The following WDR25 variants were observed in gnomAD, a reference collection of about 807,000 sequenced individuals.
WDR25 encodes WD repeat domain 25, also known as WD repeat-containing protein 25.
A neutral mutation model predicts 47.7 loss-of-function variants in WDR25; 35 were observed. The observed-to-expected ratio is 0.73, with a 90% CI of 0.56 to 0.97. The LOEUF (loss-of-function observed/expected upper bound fraction) is 0.97, where lower values mean the gene tolerates loss of function less well. WDR25 is among the 50% of genes least tolerant of loss of function. WDR25 has a pLI of 0.00. For synonymous variants in WDR25, 248 were observed against 278.9 expected (o/e 0.89, Z 1.10); for missense variants, 634 against 704.7 (o/e 0.90, Z 1.14).
At chr14:100,463,672 G>A (rs1899505193) in intron 2 of WDR25, among the ~76,000 whole-genome samples, 4 of 152,132 alleles carry the variant, frequency 2.6e-5, no homozygotes, top group Admixed American at 2.0e-4. Flanking sequence ...ACACTGGTAC[G>A]GGAATGAGTC....
chr14:100,390,424 T>TGTGTGTGC (rs1490326358), intron 2 of WDR25, among the ~76,000 whole-genome samples: 2 of 144,716 alleles, frequency 1.4e-5, no homozygotes, highest in African/African-American at 2.5e-5. Context: ...TGTGTGTGTG[T>TGTGTGTGC]GTGCATGCAC....
In WDR25 at chr14:100,381,661, G is replaced by C. The variant is rs1313425329; in HGVS notation, c.737G>C (p.Arg246Thr). 2 of 1,614,248 alleles carry C rather than the reference G, an allele frequency of 1.2e-6. No homozygotes were observed. The highest frequency in any genetic ancestry group is 2.2e-5 in the South Asian group (2 of 91,078). Residue 246 changes from arginine to threonine, a missense_variant, in exon 2 of 7, where the codon AGG (arginine) becomes ACG (threonine). By Grantham distance (71) the Arg-to-Thr change is moderately conservative. Transcript: ENST00000402312. ...GTGCTTTTCCACCTGAGAGGCCACA[G>C]GGGCCCTGTCAACACCATTCAGTGG... ...RKVLFHLRGH[R>T]GPVNTIQWCP...
At chr14:100,459,554 C>A (rs1302747497) in intron 2 of WDR25, among the ~76,000 whole-genome samples, 1 of 152,064 alleles carries the variant, frequency 6.6e-6, no homozygotes, top group African/African-American at 2.4e-5. Context: ...GAGATGGGGT[C>A]ATGACTGAGG....
chr14:100,496,828 C>T (rs989473952), intron 4 of WDR25, among the ~76,000 whole-genome samples: 103 of 73,358 alleles, frequency 1.4e-3, no homozygotes, highest in Admixed American at 3.7e-3. Context: ...TTCTTTAATT[C>T]TTTTTTTTTT....
Position 100,440,823 on chromosome 14 carries a change from G to A in WDR25, c.823-27198G>A, listed in dbSNP as rs1197007611. On this transcript the variant is annotated intron_variant, in intron 2 of 6. Coordinates refer to ENST00000402312, the MANE Select transcript of WDR25 (RefSeq NM_001161476.3). This position sits in a 1 kb window ranked among gnomAD's most constrained non-coding sequence, Gnocchi z 4.4. ...TAAATTCGTCAGCGAGGCAGCTGGAGGGATGTGTGACAAACATACCAGGCT... is the reference window on the plus strand; with the variant it reads ...TAAATTCGTCAGCGAGGCAGCTGGAAGGATGTGTGACAAACATACCAGGCT... Among the ~76,000 whole-genome samples, 1 of 152,214 alleles carries A rather than the reference G, an allele frequency of 6.6e-6. No homozygotes were observed. The highest frequency in any genetic ancestry group is 1.5e-5 in the Non-Finnish European group (1 of 68,038).
Position 100,529,433 on chromosome 14 carries a change from T to C in WDR25, c.1413+225T>C. On this transcript the variant is annotated intron_variant, in intron 6 of 6. Transcript: ENST00000402312. This position sits in a 1 kb window ranked among gnomAD's most constrained non-coding sequence, Gnocchi z 5.1. ...TACTGGGCAGGAAGCAGTAGTTGGC[T>C]CACACAGACAGGTCTCAGAAGTGGG... 1 of 665,770 alleles carries C rather than the reference T, an allele frequency of 1.5e-6. No homozygotes were observed. The highest frequency in any genetic ancestry group is 2.5e-6 in the Non-Finnish European group (1 of 397,734). The allele number at this position is 665,770 out of a possible 1,614,324, so 41.2% of individuals were successfully genotyped here. A position where few individuals can be genotyped will look rare whatever the true frequency, so the allele number is the denominator to read the frequency against.
In WDR25 at chr14:100,404,825, TC is replaced by T. The variant is rs1897484527; in HGVS notation, c.822+23083del. On this transcript the variant is annotated intron_variant, in intron 2 of 6. Transcript: ENST00000402312. The surrounding 1 kb of genome is among the most constrained non-coding windows in gnomAD (Gnocchi z 4.6). The stretch of plus-strand genomic sequence containing the variant: ...TGTTACATGGGGGCATGCACCCCTC[TC>T]CCCTGCAGCTCTGGCCTCTGCTGGG... Among the ~76,000 whole-genome samples, 1 of 152,108 alleles carries T rather than the reference TC, an allele frequency of 6.6e-6. No individual in the cohort carries two copies. The highest frequency in any genetic ancestry group is 2.1e-4 in the South Asian group (1 of 4,834).
In WDR25 at chr14:100,502,704, C is replaced by T. The variant is rs759701682; in HGVS notation, c.1101+18580C>T. Among the ~76,000 whole-genome samples the T allele has an allele frequency of 3.9e-5, 6 of 152,182 alleles. No homozygotes were observed. Among genetic ancestry groups the T allele is most frequent in the African/African-American group, 1.4e-4 (6 of 41,444 alleles). Reference sequence around the variant, plus strand: ...AGGAGTCAGTCTCCACAGAGTACATCGTGATGGGAACTGCTTGGGGGCTAA... The same window carrying T: ...AGGAGTCAGTCTCCACAGAGTACATTGTGATGGGAACTGCTTGGGGGCTAA... On this transcript the variant is annotated intron_variant, in intron 4 of 6. Transcript: ENST00000402312. This position sits in a 1 kb window ranked among gnomAD's most constrained non-coding sequence, Gnocchi z 4.5.
chr14:100,390,817 C>T (rs1248879004), intron 2 of WDR25, among the ~76,000 whole-genome samples: 4 of 152,182 alleles, frequency 2.6e-5, no homozygotes, highest in African/African-American at 4.8e-5. Context: ...AAAGTGGCTG[C>T]GTCTTCTCAC....
intron 2 of WDR25, among the ~76,000 whole-genome samples, chr14:100,450,865 A>G (rs1447046167): frequency 6.6e-6 from 1 of 152,202 alleles, no homozygotes; most frequent in Non-Finnish European, 1.5e-5. Context: ...GGCTTGAGGA[A>G]AGATGTGACA....
At chr14:100,480,404 A>G (rs1479304569) in intron 3 of WDR25, among the ~76,000 whole-genome samples, 1 of 152,216 alleles carries the variant, frequency 6.6e-6, no homozygotes. Flanking sequence ...ACAGAAAAGC[A>G]AGTATTTCTA....
rs563125299 is a variant in WDR25 at position 100,468,059 on chromosome 14, C to T, written c.861C>T (p.Thr287=). 20 of 1,613,544 alleles carry T rather than the reference C, an allele frequency of 1.2e-5. No individual in the cohort carries two copies. In the African/African-American group the frequency reaches 1.9e-4, roughly 15 times the overall value. Residue 287 remains threonine (T), a synonymous_variant, in exon 3 of 7, where the codon ACC becomes ACT. Transcript: ENST00000402312. The surrounding 1 kb of genome is among the most constrained non-coding windows in gnomAD (Gnocchi z 4.5). ...NAVDSGHCLQ[T]YSLHTEAVRA... ...TGGACTCCGGGCACTGCCTGCAGAC[C>T]TACTCCCTGCACACAGAGGCAGTGC...
At chr14:100,391,795 G>T (rs1897151675) in intron 2 of WDR25, among the ~76,000 whole-genome samples, 1 of 152,130 alleles carries the variant, frequency 6.6e-6, no homozygotes, top group African/African-American at 2.4e-5. Context: ...AATCCCTGGG[G>T]GGCCTCAAGA....
At chr14:100,508,816 T>G (rs919085612) in intron 4 of WDR25, among the ~76,000 whole-genome samples, 1 of 152,176 alleles carries the variant, frequency 6.6e-6, no homozygotes, top group Non-Finnish European at 1.5e-5. Context: ...TTAAAAATCA[T>G]ATATTGGTGT....
chr14:100,449,540 T>TGCC lies in WDR25; in HGVS notation c.823-18480_823-18478dup, dbSNP rs1328697336. On this transcript the variant is annotated intron_variant, in intron 2 of 6. Transcript: ENST00000402312. This position sits in a 1 kb window ranked among gnomAD's most constrained non-coding sequence, Gnocchi z 4.2. The stretch of plus-strand genomic sequence containing the variant: ...GGAAAAGCTGAGGTCAGGAGGCCTG[T>TGCC]GCCCTGGGACATGGCTATGTATGAC... Among the ~76,000 whole-genome samples, 3 of 152,346 alleles carry TGCC rather than the reference T, an allele frequency of 2.0e-5. No individual in the cohort carries two copies. In the East Asian group the frequency reaches 5.8e-4, roughly 29 times the overall value.
chr14:100,389,895 G>C (rs544023752), intron 2 of WDR25, among the ~76,000 whole-genome samples: 1 of 152,148 alleles, frequency 6.6e-6, no homozygotes, highest in Non-Finnish European at 1.5e-5. Flanking sequence ...GGCACCCTCT[G>C]GGGCTGCTGC....
At chr14:100,462,462 C>T (rs1010738805) in intron 2 of WDR25, among the ~76,000 whole-genome samples, 1 of 152,146 alleles carries the variant, frequency 6.6e-6, no homozygotes, top group African/African-American at 2.4e-5. Flanking sequence ...ATTAAGGAGA[C>T]CAATTGGCAA....
intron 2 of WDR25, among the ~76,000 whole-genome samples, chr14:100,441,414 T>C (rs1898665480): frequency 6.6e-6 from 1 of 151,808 alleles, no homozygotes; most frequent in Non-Finnish European, 1.5e-5. Flanking sequence ...CAGGGGGTGG[T>C]TTGCGTCTTA....
intron 2 of WDR25, among the ~76,000 whole-genome samples, chr14:100,460,396 G>C (rs1899370150): frequency 1.3e-5 from 2 of 152,100 alleles, no homozygotes. Context: ...ACAGGTGTGA[G>C]CCACCGCACC....
Sources: gnomAD v4.1 joint callset for allele counts (sites outside exome capture counted in the v4.1 genomes callset) on GRCh38, gnomAD v4.1.1 for gene constraint, Gnocchi (gnomAD v3.1) non-coding constraint, MANE v1.5 for transcripts, NCBI Gene and HGNC (gene_info 2026-07-23, HGNC 2026-07-21) for gene names.